The following NTM variants were observed in gnomAD, a reference collection of about 807,000 sequenced individuals.
The protein encoded by NTM is neurotrimin.
A neutral mutation model predicts 42.1 loss-of-function variants in NTM; 13 were observed. The observed-to-expected ratio is 0.31, with a 90% CI of 0.20 to 0.49. The LOEUF (loss-of-function observed/expected upper bound fraction) is 0.49, where lower values mean the gene tolerates loss of function less well. Among genes scored for constraint, NTM ranks in the 20% least tolerant of loss-of-function variants. The pLI, the probability that NTM is intolerant of heterozygous loss-of-function variation, is 0.99. For synonymous variants in NTM, 187 were observed against 179.2 expected, an observed-to-expected ratio of 1.04 and a Z score of -0.35; for missense variants, 373 against 452.8, an observed-to-expected ratio of 0.82 and a Z score of 1.60.
chr11:132,219,829 C>G (rs2084762057), intron 4 of NTM, among the ~76,000 whole-genome samples: 1 of 152,178 alleles, frequency 6.6e-6, no homozygotes, highest in African/African-American at 2.4e-5. Context: ...CCTCTTCACT[C>G]CCACCCGTGA....
chr11:132,097,304 C>T lies in NTM; in HGVS notation c.168-48978C>T, dbSNP rs1292256985. Among the ~76,000 whole-genome samples, 13 of 152,260 alleles carry T rather than the reference C, an allele frequency of 8.5e-5. 1 individual carries two copies. Among genetic ancestry groups the T allele is most frequent in the Middle Eastern group, 3.4e-3 (1 of 294 alleles). On this transcript the variant is annotated intron_variant, in intron 2 of 8. Coordinates refer to ENST00000683400, the MANE Select transcript of NTM (RefSeq NM_001352005.2). Reference sequence around the variant, plus strand: ...CATTTGGGAGTGTGATTGACCTGGTCGAGTGGCACTGGAACCACAGCAGGT... The same window carrying T: ...CATTTGGGAGTGTGATTGACCTGGTTGAGTGGCACTGGAACCACAGCAGGT...
At chr11:132,149,275 G>A (rs1055602107) in intron 3 of NTM, among the ~76,000 whole-genome samples, 27 of 149,166 alleles carry the variant, frequency 1.8e-4, no homozygotes, top group Non-Finnish European at 3.3e-4. Flanking sequence ...TCTTGGGATC[G>A]TTTATTATAC....
At chr11:131,777,089 A>T in intron 1 of NTM, 4 of 957,090 alleles carry the variant, frequency 4.2e-6, no homozygotes, top group Non-Finnish European at 5.0e-6. Flanking sequence ...GTTGGAAGAA[A>T]TTATTGATTT....
chr11:132,307,633 C>T, intron 4 of NTM, 56 bp from the exon 5 acceptor site: 1 of 1,604,692 alleles, frequency 6.2e-7, no homozygotes, highest in Non-Finnish European at 8.5e-7. Flanking sequence ...TCTAAGTGAA[C>T]ATGTTTGGTC....
chr11:132,005,392 C>A (rs966407925), intron 2 of NTM, among the ~76,000 whole-genome samples: 1 of 152,052 alleles, frequency 6.6e-6, no homozygotes, highest in African/African-American at 2.4e-5. Context: ...GGATGGTAGA[C>A]GACTTGAAGG....
chr11:131,698,115 G>T (rs1298446580), intron 1 of NTM, among the ~76,000 whole-genome samples: 1 of 152,134 alleles, frequency 6.6e-6, no homozygotes, highest in East Asian at 1.9e-4. Flanking sequence ...TTGCCCCCAT[G>T]TTAATATTGG....
intron 8 of NTM, among the ~76,000 whole-genome samples, chr11:132,331,423 G>GTATT (rs2095799038): frequency 6.6e-6 from 1 of 152,208 alleles, no homozygotes; most frequent in African/African-American, 2.4e-5. Context: ...GGGAGGAAAG[G>GTATT]TATTTGGAAG....
At chr11:131,762,094 G>T (rs1355961827) in intron 1 of NTM, among the ~76,000 whole-genome samples, 2 of 152,158 alleles carry the variant, frequency 1.3e-5, no homozygotes, top group Non-Finnish European at 2.9e-5. Context: ...ATTGTGTTTT[G>T]CTATAGCAGC....
intron 1 of NTM, among the ~76,000 whole-genome samples, chr11:131,467,991 G>A (rs1013992570): frequency 4.6e-5 from 7 of 152,216 alleles, no homozygotes; most frequent in East Asian, 3.9e-4. Context: ...CATCCGAAAC[G>A]TTCCAAAACT....
At chr11:132,205,481 T>G (rs1343956792) in intron 3 of NTM, among the ~76,000 whole-genome samples, 1 of 152,204 alleles carries the variant, frequency 6.6e-6, no homozygotes, top group Non-Finnish European at 1.5e-5. Flanking sequence ...GAATTAAAAT[T>G]CAATAAGAGC....
At chr11:131,964,997 T>G in intron 2 of NTM, among the ~76,000 whole-genome samples, 1 of 150,210 alleles carries the variant, frequency 6.7e-6, no homozygotes, top group African/African-American at 2.5e-5. Context: ...TGACAGAGAG[T>G]GATGATCAAG....
chr11:132,260,756 C>T (rs922791989), intron 4 of NTM, among the ~76,000 whole-genome samples: 1 of 152,306 alleles, frequency 6.6e-6, no homozygotes, highest in Non-Finnish European at 1.5e-5. Flanking sequence ...CCTTCGTCTC[C>T]GGGGCATGGC....
At position 131,585,975 on chromosome 11, in the gene NTM, G is replaced by A. The variant is rs115138296; in HGVS notation, c.82+215087G>A. 4.5e-3 allele frequency among the ~76,000 whole-genome samples: 693 copies of A among 152,310 alleles called. 2 individuals are homozygous for A. The highest frequency in any genetic ancestry group is 0.016 in the African/African-American group (659 of 41,570). On this transcript the variant is annotated intron_variant, in intron 1 of 8. Transcript: ENST00000683400. ...TTCTCTCTGCTAACTAAATGGGATT[G>A]TGTTTACAACTGTTGAGCACAGAAA...
At chr11:132,164,224 TTTG>T (rs796158765) in intron 3 of NTM, among the ~76,000 whole-genome samples, 237 of 152,184 alleles carry the variant, frequency 1.6e-3, no homozygotes, top group African/African-American at 5.4e-3. Context: ...TCTGGCTTTG[TTTG>T]TTGTTGTTGT....
At chr11:131,713,847 C>T (rs928840079) in intron 1 of NTM, among the ~76,000 whole-genome samples, 1 of 152,136 alleles carries the variant, frequency 6.6e-6, no homozygotes, top group African/African-American at 2.4e-5. Flanking sequence ...AGTTTTAGAG[C>T]AGGAATGAAA....
chr11:132,309,987 C>T, intron 5 of NTM, 125 bp from the exon 6 acceptor site: 3 of 1,173,952 alleles, frequency 2.6e-6, no homozygotes, highest in Non-Finnish European at 3.4e-6. Context: ...ACCCGGGAGG[C>T]AGAACGTGCA....
chr11:131,387,509 G>A (rs1283779377), intron 1 of NTM, among the ~76,000 whole-genome samples: 1 of 152,252 alleles, frequency 6.6e-6, no homozygotes, highest in African/African-American at 2.4e-5. Flanking sequence ...TGATGATGGA[G>A]TAAATAAGAC....
intron 2 of NTM, among the ~76,000 whole-genome samples, chr11:131,916,908 C>T (rs1036853527): frequency 5.9e-5 from 9 of 152,228 alleles, no homozygotes; most frequent in Non-Finnish European, 1.3e-4. Context: ...CACCCCTACC[C>T]TGATCTTCCC....
chr11:131,559,613 T>C (rs1363767222), intron 1 of NTM, among the ~76,000 whole-genome samples: 1 of 152,224 alleles, frequency 6.6e-6, no homozygotes, highest in African/African-American at 2.4e-5. Flanking sequence ...TGAGTCAAAA[T>C]ATAGGTTAAG....
Sources: gnomAD v4.1 joint callset for allele counts (sites outside exome capture counted in the v4.1 genomes callset) on GRCh38, gnomAD v4.1.1 for gene constraint, MANE v1.5 for transcripts, NCBI Gene and HGNC (gene_info 2026-07-23, HGNC 2026-07-21) for gene names.